Variants in PCDH17 observed in about 807,000 individuals in gnomAD.
PCDH17 encodes protocadherin-17.
Under a neutral mutation model 67.7 loss-of-function variants are expected in PCDH17, and 21 were observed. That is an observed-to-expected ratio of 0.31 (90% confidence interval 0.22 to 0.45). The LOEUF is 0.45. PCDH17 is among the 20% of genes least tolerant of loss of function. PCDH17 has a pLI of 1.00. For missense variants in PCDH17, 1,471 were observed against 1,564.8 expected (o/e 0.94, Z 1.01); for synonymous variants, 701 against 656.7 (o/e 1.07, Z -1.03).
intron 1 of PCDH17, among the ~76,000 whole-genome samples, chr13:57,648,823 G>T (rs1026036858): frequency 6.6e-6 from 1 of 151,952 alleles, no homozygotes; most frequent in African/African-American, 2.4e-5. Context: ...TAGTATTTCA[G>T]GTGGTTATCT....
chr13:57,702,496 C>T (rs979373429), intron 3 of PCDH17, among the ~76,000 whole-genome samples: 1 of 152,154 alleles, frequency 6.6e-6, no homozygotes, highest in Non-Finnish European at 1.5e-5. Context: ...AGAACACCTA[C>T]AGTAAAACTT....
At position 57,632,295 on chromosome 13, in the gene PCDH17, C is replaced by T; in HGVS notation, c.-252C>T. 1 of 551,460 alleles carries T rather than the reference C, an allele frequency of 1.8e-6. No homozygotes were observed. Among genetic ancestry groups the T allele is most frequent in the Non-Finnish European group, 3.2e-6 (1 of 313,554 alleles). 34.2% of individuals were successfully genotyped at this position (551,460 alleles called of 1,614,324 possible). On this transcript the variant is annotated 5_prime_UTR_variant, in exon 1 of 4. Transcript: ENST00000377918. Reference sequence around the variant, plus strand: ...GCCGCAGGAAGCCACCGCCTTGCTCCAAGCCCCTGCAGCTCTGCTGCACCG... The same window carrying T: ...GCCGCAGGAAGCCACCGCCTTGCTCTAAGCCCCTGCAGCTCTGCTGCACCG...
At chr13:57,688,291 T>C (rs1410630245) in intron 3 of PCDH17, among the ~76,000 whole-genome samples, 1 of 151,874 alleles carries the variant, frequency 6.6e-6, no homozygotes, top group Non-Finnish European at 1.5e-5. Context: ...CCAGCCTGGG[T>C]GACAGAGTGA....
intron 3 of PCDH17, among the ~76,000 whole-genome samples, chr13:57,710,982 GCACA>G (rs147318879): frequency 1.3e-5 from 2 of 150,604 alleles, no homozygotes; most frequent in South Asian, 4.2e-4. Context: ...GCATGTGCAT[GCACA>G]CACACACACA....
At chr13:57,668,764 T>A (rs966081775) in intron 3 of PCDH17, among the ~76,000 whole-genome samples, 1 of 152,066 alleles carries the variant, frequency 6.6e-6, no homozygotes, top group South Asian at 2.1e-4. Flanking sequence ...GAAAATTATT[T>A]TGAATCTAGA....
chr13:57,711,579 T>A (rs2138089861), intron 3 of PCDH17, among the ~76,000 whole-genome samples: 1 of 151,964 alleles, frequency 6.6e-6, no homozygotes, highest in East Asian at 1.9e-4. Context: ...TCATTTTAAA[T>A]TTACATTTTC....
chr13:57,711,567 TATC>T (rs1467284092), intron 3 of PCDH17, among the ~76,000 whole-genome samples: 1 of 151,856 alleles, frequency 6.6e-6, no homozygotes. Flanking sequence ...AATTTGAAGT[TATC>T]ATTTTAAATT....
At chr13:57,630,124 T>TG (rs1488471632), upstream of PCDH17, among the ~76,000 whole-genome samples, 1 of 152,044 alleles carries the variant, frequency 6.6e-6, no homozygotes, top group East Asian at 1.9e-4. Context: ...CAAGAGACGC[T>TG]GGGGAGAGAG....
chr13:57,674,053 T>A (rs1232521853), intron 3 of PCDH17, among the ~76,000 whole-genome samples: 1 of 151,984 alleles, frequency 6.6e-6, no homozygotes, highest in African/African-American at 2.4e-5. Context: ...GCTGGTATCA[T>A]GAAAATAGAG....
At chr13:57,651,359 T>G (rs979317843) in intron 1 of PCDH17, among the ~76,000 whole-genome samples, 3 of 140,828 alleles carry the variant, frequency 2.1e-5, no homozygotes, top group East Asian at 4.1e-4. Flanking sequence ...AATTGAGGTT[T>G]TTTTTTTTTT....
intron 1 of PCDH17, among the ~76,000 whole-genome samples, chr13:57,655,476 A>C: frequency 6.6e-6 from 1 of 151,922 alleles, no homozygotes; most frequent in Non-Finnish European, 1.5e-5. Flanking sequence ...CTTTTAAATT[A>C]GTTATTTTGT....
At chr13:57,675,108 A>G (rs917608854) in intron 3 of PCDH17, among the ~76,000 whole-genome samples, 1 of 151,940 alleles carries the variant, frequency 6.6e-6, no homozygotes, top group African/African-American at 2.4e-5. Flanking sequence ...TACCTGAAGG[A>G]AATCTGAAGA....
At chr13:57,701,963 GC>G (rs926955410) in intron 3 of PCDH17, among the ~76,000 whole-genome samples, 3 of 152,032 alleles carry the variant, frequency 2.0e-5, no homozygotes, top group Non-Finnish European at 4.4e-5. Context: ...TGTTGCCCAG[GC>G]TGGAGTGCAG....
chr13:57,705,469 T>G (rs938935176), intron 3 of PCDH17, among the ~76,000 whole-genome samples: 1 of 152,110 alleles, frequency 6.6e-6, no homozygotes, highest in Non-Finnish European at 1.5e-5. Flanking sequence ...TGGAGCTATA[T>G]TTACAAATAT....
chr13:57,673,897 T>C (rs556191295), intron 3 of PCDH17, among the ~76,000 whole-genome samples: 1 of 121,030 alleles, frequency 8.3e-6, no homozygotes, highest in Non-Finnish European at 1.5e-5. Flanking sequence ...CGGTTTATGT[T>C]TTCTGGATAA....
intron 3 of PCDH17, among the ~76,000 whole-genome samples, chr13:57,679,647 G>T (rs1184102932): frequency 2.6e-5 from 4 of 151,448 alleles, no homozygotes; most frequent in Non-Finnish European, 5.9e-5. Context: ...CATATTGAAA[G>T]ATGAAATTGT....
chr13:57,654,096 T>C (rs1955075181), intron 1 of PCDH17, among the ~76,000 whole-genome samples: 1 of 152,168 alleles, frequency 6.6e-6, no homozygotes, highest in Non-Finnish European at 1.5e-5. Context: ...TAATATTTTA[T>C]CTGCAGGAAT....
Position 57,634,983 on chromosome 13 carries a change from G to T in PCDH17, c.2437G>T (p.Val813Leu). The change falls in exon 1 of 4, where the codon GTG becomes TTG. Residue 813 changes from valine (V) to leucine (L), a missense_variant. By Grantham distance (32) the Val-to-Leu change is conservative. This residue lies in a region of PCDH17 where 1,163 missense variants were observed against 1,230.0 expected (regional missense o/e 0.95). Coordinates refer to ENST00000377918, the MANE Select transcript of PCDH17 (RefSeq NM_001040429.3). This position sits in a 1 kb window ranked among gnomAD's most constrained non-coding sequence, Gnocchi z 7.8. ...RLPLSSPRSEVMYLKPASNNL... is the reference protein window; with the variant it reads ...RLPLSSPRSELMYLKPASNNL... ...GCCCCTCAGCTCGCCCCGGTCGGAG[G>T]TGATGTATCTCAAACCGGCCTCCAA... is the stretch of plus-strand genomic sequence containing the variant. The T allele has an allele frequency of 6.2e-7, 1 of 1,613,840 alleles. No individual in the cohort carries two copies.
chr13:57,695,405 G>T (rs1955597442), intron 3 of PCDH17, among the ~76,000 whole-genome samples: 1 of 143,408 alleles, frequency 7.0e-6, no homozygotes, highest in Admixed American at 7.2e-5. Context: ...TAAATTTGAA[G>T]TTACAGATAA....
Sources: allele counts gnomAD v4.1 joint callset (sites outside exome capture counted in the v4.1 genomes callset), GRCh38; gene constraint gnomAD v4.1.1; regional missense constraint gnomAD v4.1.1; non-coding constraint Gnocchi (gnomAD v3.1); transcripts MANE v1.5; gene names NCBI Gene and HGNC (gene_info 2026-07-23, HGNC 2026-07-21).